KIF21B: variants seen among roughly 807,000 people sequenced by gnomAD.
The protein encoded by KIF21B is kinesin family member 21B, also known as kinesin-like protein KIF21B.
A neutral mutation model predicts 192.9 loss-of-function variants in KIF21B; 85 were observed. The ratio of observed to expected loss-of-function variants is 0.44; its 90% CI spans 0.37 to 0.53. The LOEUF is 0.53. Among genes scored for constraint, KIF21B ranks in the 20% least tolerant of loss-of-function variants. KIF21B has a pLI of 0.00. For missense variants in KIF21B, 1,716 were observed against 2,194.8 expected (o/e 0.78, Z 4.36); for synonymous variants, 832 against 884.6 (o/e 0.94, Z 1.05).
Position 200,972,471 on chromosome 1 carries a change from C to G in KIF21B, c.*1050G>C, listed in dbSNP as rs945915902. ...GGACTGTGGGGCAGAACCCCGGGGC[C>G]TGGGCTGTGGGGTGAGCGCCCCCGC... On this transcript the variant is annotated 3_prime_UTR_variant, in exon 35 of 35. Coordinates refer to ENST00000461742, the MANE Select transcript of KIF21B (RefSeq NM_001252102.2). The G allele has an allele frequency of 6.6e-6, 1 of 152,368 alleles. No homozygotes were observed. 9.4% of individuals were successfully genotyped at this position (152,368 alleles called of 1,614,324 possible).
At chr1:200,989,873 C>T in intron 21 of KIF21B, 69 bp downstream of exon 21, 3 of 1,295,630 alleles carry the variant, frequency 2.3e-6, no homozygotes, top group Non-Finnish European at 2.2e-6. Flanking sequence ...CCCTGGGCTT[C>T]ACACTAGGGT....
At chr1:200,978,556 A>G (rs1340484149) in intron 30 of KIF21B, among the ~76,000 whole-genome samples, 1 of 151,878 alleles carries the variant, frequency 6.6e-6, no homozygotes, top group African/African-American at 2.4e-5. Context: ...CCAAGTCCAT[A>G]GTTTATGTTA....
At chr1:200,987,353 C>T (rs1656377264) in intron 24 of KIF21B, 152 bp from the exon 25 acceptor site, 6 of 668,720 alleles carry the variant, frequency 9.0e-6, no homozygotes, top group South Asian at 7.7e-5. Context: ...GATCCCCTCA[C>T]CTCAGCCTCC....
intron 27 of KIF21B, 144 bp from the exon 28 acceptor site, chr1:200,983,238 C>A: frequency 1.4e-6 from 1 of 716,558 alleles, no homozygotes; most frequent in South Asian, 1.6e-5. Flanking sequence ...GAATGAGGGC[C>A]TCGGGAGAGC....
chr1:200,995,590 G>C (rs572319486), intron 15 of KIF21B, among the ~76,000 whole-genome samples: 1 of 152,252 alleles, frequency 6.6e-6, no homozygotes, highest in Non-Finnish European at 1.5e-5. Flanking sequence ...GTGCCACCTG[G>C]AACACACAGT....
At chr1:201,004,530 C>A in intron 6 of KIF21B, 75 bp from the exon 7 acceptor site, 1 of 1,290,406 alleles carries the variant, frequency 7.7e-7, no homozygotes, top group Admixed American at 2.0e-5. Context: ...AAATCCCCAA[C>A]CCATCTGTAC....
chr1:201,007,647 C>A (rs1288918661), intron 3 of KIF21B, among the ~76,000 whole-genome samples: 2 of 151,260 alleles, frequency 1.3e-5, no homozygotes, highest in African/African-American at 4.9e-5. Context: ...CACACACACA[C>A]ACACAGACGC....
chr1:200,993,539 G>A (rs1656845786), intron 15 of KIF21B, among the ~76,000 whole-genome samples: 1 of 152,104 alleles, frequency 6.6e-6, no homozygotes, highest in African/African-American at 2.4e-5. Flanking sequence ...TTGATTCTAG[G>A]AGTTCAAGAT....
In KIF21B at chr1:200,992,322, C is replaced by T. The variant is rs1266346444; in HGVS notation, c.2345G>A (p.Arg782Gln). 15 of 1,612,930 alleles carry T rather than the reference C, an allele frequency of 9.3e-6. No individual in the cohort carries two copies. Among genetic ancestry groups the T allele is most frequent in the Admixed American group, 3.3e-5 (2 of 60,004 alleles). ...RRRLVETKRN[R>Q]EIAQLKKEQR... ...CTCCTTCTTGAGCTGTGCGATCTCC[C>T]GGTTCCTCTTGGTCTCCACTAGCCG... is the stretch of plus-strand genomic sequence containing the variant. Residue 782 changes from arginine (R) to glutamine (Q), a missense_variant, in exon 16 of 35, where the codon CGG becomes CAG. Coordinates refer to ENST00000461742, the MANE Select transcript of KIF21B (RefSeq NM_001252102.2).
intron 1 of KIF21B, among the ~76,000 whole-genome samples, chr1:201,014,461 G>A (rs1658395277): frequency 6.6e-6 from 1 of 152,208 alleles, no homozygotes; most frequent in African/African-American, 2.4e-5. Context: ...GCAGCCCAGG[G>A]GTATGCTGAG....
chr1:201,020,355 C>A (rs1158347016), intron 1 of KIF21B, among the ~76,000 whole-genome samples: 3 of 152,192 alleles, frequency 2.0e-5, no homozygotes, highest in Non-Finnish European at 4.4e-5. Context: ...TGGGGCAGGT[C>A]ACAGCTCCGC....
chr1:201,000,861 A>G lies in KIF21B; in HGVS notation c.1403-81T>C. ...GGTGGCTCAGACCTATAATTCCAGC[A>G]CTTTGGGAGGCCAAGGCGGGCGGAT... is the stretch of plus-strand genomic sequence containing the variant. On this transcript the variant is annotated intron_variant, in intron 9 of 34. Transcript: ENST00000461742. The surrounding 1 kb of genome is among the most constrained non-coding windows in gnomAD (Gnocchi z 6.0). 6.8e-7 allele frequency: 1 copy of G among 1,464,690 alleles called. No homozygotes were observed. The highest frequency in any genetic ancestry group is 1.1e-5 in the South Asian group (1 of 87,698). The allele number at this position is 1,464,690 out of a possible 1,614,324, so 90.7% of individuals were successfully genotyped here. A position where few individuals can be genotyped will look rare whatever the true frequency, so the allele number is the denominator to read the frequency against.
intron 15 of KIF21B, among the ~76,000 whole-genome samples, chr1:200,993,251 T>C (rs1313401779): frequency 6.6e-6 from 1 of 152,222 alleles, no homozygotes; most frequent in Non-Finnish European, 1.5e-5. Flanking sequence ...AAGTGTAATG[T>C]ACACAGGGCT....
rs760817558 is a variant in KIF21B at position 200,991,197 on chromosome 1, G to A, written c.2455-48C>T. Reference sequence around the variant, plus strand: ...GGGAGCCGGTGAGCAGGGTGGCCTGGAGCCACACAGAAGGGCCCAGGTTGG... The same window carrying A: ...GGGAGCCGGTGAGCAGGGTGGCCTGAAGCCACACAGAAGGGCCCAGGTTGG... On this transcript the variant is annotated intron_variant, in intron 17 of 34. Transcript: ENST00000461742. 1.1e-5 allele frequency: 17 copies of A among 1,501,826 alleles called. No individual in the cohort carries two copies. The East Asian group carries it at 2.4e-4, about 21-fold the overall frequency. The allele number at this position is 1,501,826 out of a possible 1,614,324, so 93.0% of individuals were successfully genotyped here. A position where few individuals can be genotyped will look rare whatever the true frequency, so the allele number is the denominator to read the frequency against.
In KIF21B at chr1:200,974,802, T is replaced by C; in HGVS notation, c.4726A>G (p.Asn1576Asp). The change falls in exon 34 of 35, where the codon AAC becomes GAC. Residue 1576 changes from asparagine (N) to aspartate (D), a missense_variant. Physicochemically the swap from Asn to Asp is conservative, Grantham distance 23. Transcript: ENST00000461742. Reference protein sequence around the residue: ...AGVIKVWNVDNFTPIGEIKGH... With the variant: ...AGVIKVWNVDDFTPIGEIKGH... ...TTGATCTCACCGATGGGTGTGAAGTTGTCCACGTTCCAGACCTTGATGACA... is the reference window on the plus strand; with the variant it reads ...TTGATCTCACCGATGGGTGTGAAGTCGTCCACGTTCCAGACCTTGATGACA... The C allele has an allele frequency of 6.2e-7, 1 of 1,614,238 alleles. No homozygotes were observed. Among genetic ancestry groups the C allele is most frequent in the Non-Finnish European group, 8.5e-7 (1 of 1,180,032 alleles).
In KIF21B at chr1:200,974,890, G is replaced by A. The variant is rs1655443397; in HGVS notation, c.4638C>T (p.Asp1546=). 1 of 1,613,988 alleles carries A rather than the reference G, an allele frequency of 6.2e-7. No homozygotes were observed. The highest frequency in any genetic ancestry group is 1.3e-5 in the African/African-American group (1 of 75,060). ...GGATGAAGGCCAGGGCGCACACCCA[G>A]TCCTTGTGCGCATTGGGGATTTGCT... ...LIQQIPNAHK[D]WVCALAFIPG... is the part of the protein sequence containing the mutation. The change falls in exon 34 of 35, where the codon GAC becomes GAT. Residue 1546 remains aspartate (D), a synonymous_variant. Transcript: ENST00000461742.
chr1:201,007,347 G>C (rs935895178), intron 3 of KIF21B, among the ~76,000 whole-genome samples: 6 of 35,996 alleles, frequency 1.7e-4, no homozygotes, highest in South Asian at 5.4e-4. Context: ...CAGACACAGA[G>C]ACACATAGAC....
chr1:201,016,611 G>A (rs757089538), intron 1 of KIF21B, among the ~76,000 whole-genome samples: 3 of 152,188 alleles, frequency 2.0e-5, no homozygotes, highest in Non-Finnish European at 2.9e-5. Context: ...ATAGAGACCA[G>A]TCTTCTATAA....
Position 200,999,361 on chromosome 1 carries a change from G to T in KIF21B, c.1873C>A (p.Pro625Thr). 1 of 1,613,998 alleles carries T rather than the reference G, an allele frequency of 6.2e-7. No individual in the cohort carries two copies. The highest frequency in any genetic ancestry group is 8.5e-7 in the Non-Finnish European group (1 of 1,179,982). Residue 625 changes from proline to threonine, a missense_variant, in exon 13 of 35, where the codon CCC (proline) becomes ACC (threonine). By Grantham distance (38) the Pro-to-Thr change is conservative (BLOSUM62 -1). Around this residue, in one of 3 missense-constraint regions of KIF21B, gnomAD observed 1,087 missense variants for 1,316.6 expected, o/e 0.83. Transcript: ENST00000461742. This position sits in a 1 kb window ranked among gnomAD's most constrained non-coding sequence, Gnocchi z 4.7. ...EESLVDSDSD[P>T]EEKEVNFQAD... is the part of the protein sequence containing the mutation. ...CAGGCCCACGCACCCTTCTCCTCGG[G>T]GTCTGAGTCTGAGTCCACCAGGCTC...
Sources: gnomAD v4.1 joint callset for allele counts (sites outside exome capture counted in the v4.1 genomes callset) on GRCh38, gnomAD v4.1.1 for gene constraint, gnomAD v4.1.1 regional missense constraint, Gnocchi (gnomAD v3.1) non-coding constraint, MANE v1.5 for transcripts, NCBI Gene and HGNC (gene_info 2026-07-23, HGNC 2026-07-21) for gene names.